PRND: variants seen among roughly 807,000 people sequenced by gnomAD.
The protein encoded by PRND is prion like protein doppel.
For synonymous variants in PRND, 94 were observed against 93.2 expected, an observed-to-expected ratio of 1.01 and a Z score of -0.05; for missense variants, 227 against 223.3, an observed-to-expected ratio of 1.02 and a Z score of -0.11.
intron 1 of PRND, among the ~76,000 whole-genome samples, chr20:4,722,799 A>G (rs1923141562): frequency 6.6e-6 from 1 of 152,080 alleles, no homozygotes; most frequent in African/African-American, 2.4e-5. Context: ...AACTCCTTCC[A>G]TTTCCCTAAT....
chr20:4,728,375 T>C lies in PRND; in HGVS notation c.*3293T>C, dbSNP rs756012246. On this transcript the variant is annotated 3_prime_UTR_variant, in exon 2 of 2. Transcript: ENST00000305817. ...TCACTTAATACAGATGTATCATGAT[T>C]GATTGAATCATTGCCTTGTTGATGG... 2 of 167,140 alleles carry C rather than the reference T, an allele frequency of 1.2e-5. No individual in the cohort carries two copies. Among genetic ancestry groups the C allele is most frequent in the Non-Finnish European group, 2.9e-5 (2 of 68,138 alleles). The allele number at this position is 167,140 out of a possible 1,614,324, so 10.4% of individuals were successfully genotyped here. A position where few individuals can be genotyped will look rare whatever the true frequency, so the allele number is the denominator to read the frequency against.
Position 4,725,922 on chromosome 20 carries a change from A to G in PRND, c.*840A>G, listed in dbSNP as rs1923251503. On this transcript the variant is annotated 3_prime_UTR_variant, in exon 2 of 2. Coordinates refer to ENST00000305817, the MANE Select transcript of PRND (RefSeq NM_012409.4). ...GTTGCCCAGGCTGGAGTGCAACGGC[A>G]TGATTTTGGCTCACTGCAGCCTCTG... The G allele has an allele frequency of 6.2e-6, 1 of 160,724 alleles. No individual in the cohort carries two copies. The highest frequency in any genetic ancestry group is 1.5e-5 in the Non-Finnish European group (1 of 67,620). The allele number at this position is 160,724 out of a possible 1,614,324, so 10.0% of individuals were successfully genotyped here. A position where few individuals can be genotyped will look rare whatever the true frequency, so the allele number is the denominator to read the frequency against.
rs1923211737 is a variant in PRND at position 4,724,813 on chromosome 20, G to A, written c.262G>A (p.Gly88Ser). 6.2e-7 allele frequency: 1 copy of A among 1,614,204 alleles called. No homozygotes were observed. Among genetic ancestry groups the A allele is most frequent in the Non-Finnish European group, 8.5e-7 (1 of 1,180,044 alleles). The change falls in exon 2 of 2, where the codon GGC becomes AGC. Residue 88 changes from glycine to serine, a missense_variant. Gly to Ser is a moderately conservative substitution (Grantham distance 56). Transcript: ENST00000305817. This position sits in a 1 kb window ranked among gnomAD's most constrained non-coding sequence, Gnocchi z 4.8. ...GGCCAACTACTGGCAGTTCCCCGAT[G>A]GCATCCACTACAACGGCTGCTCTGA... ...YEANYWQFPD[G>S]IHYNGCSEAN...
chr20:4,723,089 T>C (rs1369528466), intron 1 of PRND, among the ~76,000 whole-genome samples: 1 of 152,164 alleles, frequency 6.6e-6, no homozygotes, highest in Non-Finnish European at 1.5e-5. Flanking sequence ...TTTGCCCAGC[T>C]CAGGGGGCAT....
chr20:4,727,029 G>T lies in PRND; in HGVS notation c.*1947G>T. ...AAAAAGTACAGAACATATCCTCTAC[G>T]GTTATTTCCTGCTTTCTAATTAAAA... On this transcript the variant is annotated 3_prime_UTR_variant, in exon 2 of 2. Transcript: ENST00000305817. 1 of 167,008 alleles carries T rather than the reference G, an allele frequency of 6.0e-6. No individual in the cohort carries two copies. Among genetic ancestry groups the T allele is most frequent in the East Asian group, 1.9e-4 (1 of 5,192 alleles). The allele number at this position is 167,008 out of a possible 1,614,324, so 10.3% of individuals were successfully genotyped here.
chr20:4,724,453 C>G lies in PRND; in HGVS notation c.-11-88C>G. On this transcript the variant is annotated intron_variant, in intron 1 of 1. Coordinates refer to ENST00000305817, the MANE Select transcript of PRND (RefSeq NM_012409.4). The surrounding 1 kb of genome is among the most constrained non-coding windows in gnomAD (Gnocchi z 4.8). ...CATAAATAGCACAAGGATGCGATTC[C>G]TTCCTTAAAATCTCCTGCACTTGGG... 1 of 1,520,782 alleles carries G rather than the reference C, an allele frequency of 6.6e-7. No homozygotes were observed. Among genetic ancestry groups the G allele is most frequent in the African/African-American group, 1.4e-5 (1 of 73,190 alleles). 94.2% of individuals were successfully genotyped at this position (1,520,782 alleles called of 1,614,324 possible). A position where few individuals can be genotyped will look rare whatever the true frequency, so the allele number is the denominator to read the frequency against.
rs1283726145 is a variant in PRND at position 4,726,451 on chromosome 20, G to C, written c.*1369G>C. 1.2e-5 allele frequency: 2 copies of C among 166,950 alleles called. No homozygotes were observed. The highest frequency in any genetic ancestry group is 1.3e-4 in the Admixed American group (2 of 15,284). The allele number at this position is 166,950 out of a possible 1,614,324, so 10.3% of individuals were successfully genotyped here. ...AAAAATAAAGCTGTGTCTTTAGGGAGACCCAATAAAGAATGCAATCCATGC... is the reference window on the plus strand; with the variant it reads ...AAAAATAAAGCTGTGTCTTTAGGGACACCCAATAAAGAATGCAATCCATGC... On this transcript the variant is annotated 3_prime_UTR_variant, in exon 2 of 2. Coordinates refer to ENST00000305817, the MANE Select transcript of PRND (RefSeq NM_012409.4).
At chr20:4,722,712 C>T (rs1923138736) in intron 1 of PRND, among the ~76,000 whole-genome samples, 1 of 152,080 alleles carries the variant, frequency 6.6e-6, no homozygotes, top group Non-Finnish European at 1.5e-5. Context: ...CCCTGTCAGC[C>T]TCCTCCAGCT....
intron 1 of PRND, among the ~76,000 whole-genome samples, chr20:4,723,938 A>ATG (rs78289429): frequency 0.051 from 7,417 of 146,112 alleles, 289 homozygotes; most frequent in East Asian, 0.2. Context: ...TCTCTAAAAT[A>ATG]TGTGTGTGTG....
rs1923319999 is a variant in PRND at position 4,727,793 on chromosome 20, C to CTTTTTTTTCTTTTT, written c.*2719_*2720insCTTTTTTTTTTTTT. 7.0e-6 allele frequency: 1 copy of CTTTTTTTTCTTTTT among 142,556 alleles called. No individual in the cohort carries two copies. The highest frequency in any genetic ancestry group is 3.0e-5 in the African/African-American group (1 of 33,748). 8.8% of individuals were successfully genotyped at this position (142,556 alleles called of 1,614,324 possible). On this transcript the variant is annotated 3_prime_UTR_variant, in exon 2 of 2. Coordinates refer to ENST00000305817, the MANE Select transcript of PRND (RefSeq NM_012409.4). ...AATGCTTTCTACTCATTTTTCTATA[C>CTTTTTTTTCTTTTT]TTTTTTTTTTGAGGCAGAGTCTCAT...
At chr20:4,723,484 G>A (rs555004528) in intron 1 of PRND, among the ~76,000 whole-genome samples, 2 of 152,278 alleles carry the variant, frequency 1.3e-5, no homozygotes, top group South Asian at 4.2e-4. Flanking sequence ...CATAGGGGAG[G>A]CAGGGGTCCC....
In PRND at chr20:4,725,228, C is replaced by A; in HGVS notation, c.*146C>A. 3.1e-6 allele frequency: 3 copies of A among 981,950 alleles called. No homozygotes were observed. Among genetic ancestry groups the A allele is most frequent in the Non-Finnish European group, 4.6e-6 (3 of 656,506 alleles). The allele number at this position is 981,950 out of a possible 1,614,324, so 60.8% of individuals were successfully genotyped here. On this transcript the variant is annotated 3_prime_UTR_variant, in exon 2 of 2. Coordinates refer to ENST00000305817, the MANE Select transcript of PRND (RefSeq NM_012409.4). ...ACTGCAAATGCCGCTCTCACGTATG[C>A]GCCCTGGTATGTGCCTGCGTTCTGA...
Position 4,726,337 on chromosome 20 carries a change from T to C in PRND, c.*1255T>C, listed in dbSNP as rs1326551495. On this transcript the variant is annotated 3_prime_UTR_variant, in exon 2 of 2. Coordinates refer to ENST00000305817, the MANE Select transcript of PRND (RefSeq NM_012409.4). ...ACATCTGTGTTCTATGCAAAGTCTCTCATTTCTTTCAAGACAGCCTAATGA... is the reference window on the plus strand; with the variant it reads ...ACATCTGTGTTCTATGCAAAGTCTCCCATTTCTTTCAAGACAGCCTAATGA... 2 of 167,000 alleles carry C rather than the reference T, an allele frequency of 1.2e-5. No homozygotes were observed. The highest frequency in any genetic ancestry group is 1.5e-5 in the Non-Finnish European group (1 of 68,118). 10.3% of individuals were successfully genotyped at this position (167,000 alleles called of 1,614,324 possible). A position where few individuals can be genotyped will look rare whatever the true frequency, so the allele number is the denominator to read the frequency against.
rs1386650191 is a variant in PRND, at chr20:4,728,376, G to C, written c.*3294G>C. Reference sequence around the variant, plus strand: ...CACTTAATACAGATGTATCATGATTGATTGAATCATTGCCTTGTTGATGGG... The same window carrying C: ...CACTTAATACAGATGTATCATGATTCATTGAATCATTGCCTTGTTGATGGG... On this transcript the variant is annotated 3_prime_UTR_variant, in exon 2 of 2. Transcript: ENST00000305817. The C allele has an allele frequency of 6.0e-6, 1 of 167,082 alleles. No homozygotes were observed. The highest frequency in any genetic ancestry group is 1.5e-5 in the Non-Finnish European group (1 of 68,144). The allele number at this position is 167,082 out of a possible 1,614,324, so 10.3% of individuals were successfully genotyped here.
rs1402106889 is a variant in PRND, at chr20:4,725,990, A to G, written c.*908A>G. The G allele has an allele frequency of 7.4e-6, 1 of 134,704 alleles. No individual in the cohort carries two copies. The highest frequency in any genetic ancestry group is 3.0e-5 in the African/African-American group (1 of 33,838). 8.3% of individuals were successfully genotyped at this position (134,704 alleles called of 1,614,324 possible). ...CTTTTCCTGTCTCAGCCTTCCGAGT[A>G]GCTGGGATTACAGGTGTGTGCCATC... On this transcript the variant is annotated 3_prime_UTR_variant, in exon 2 of 2. Transcript: ENST00000305817.
chr20:4,723,791 G>GT (rs1275394843), intron 1 of PRND, among the ~76,000 whole-genome samples: 3 of 152,004 alleles, frequency 2.0e-5, no homozygotes, highest in Admixed American at 1.3e-4. Flanking sequence ...AATTAGCTGG[G>GT]TGTGGTAGTG....
intron 1 of PRND, among the ~76,000 whole-genome samples, chr20:4,722,249 A>AT (rs369051815): frequency 1.6e-4 from 24 of 150,452 alleles, no homozygotes; most frequent in African/African-American, 5.4e-4. Flanking sequence ...CTGTGCTTTT[A>AT]TTTTTTTTAT....
At position 4,725,949 on chromosome 20, in the gene PRND, C is replaced by G. The variant is rs1352072927; in HGVS notation, c.*867C>G. The G allele has an allele frequency of 6.1e-6, 1 of 163,154 alleles. No homozygotes were observed. The highest frequency in any genetic ancestry group is 1.5e-5 in the Non-Finnish European group (1 of 67,978). 10.1% of individuals were successfully genotyped at this position (163,154 alleles called of 1,614,324 possible). A position where few individuals can be genotyped will look rare whatever the true frequency, so the allele number is the denominator to read the frequency against. ...GATTTTGGCTCACTGCAGCCTCTGC[C>G]TCCCAGGCTCAAGCACTTTTCCTGT... On this transcript the variant is annotated 3_prime_UTR_variant, in exon 2 of 2. Transcript: ENST00000305817.
Position 4,724,040 on chromosome 20 carries a change from A to G in PRND, c.-11-501A>G, listed in dbSNP as rs1172144039. 9.4e-6 allele frequency among the ~76,000 whole-genome samples: 1 copy of G among 105,944 alleles called. No homozygotes were observed. The highest frequency in any genetic ancestry group is 2.0e-5 in the Non-Finnish European group (1 of 50,734). The allele number at this position is 105,944 out of a possible 152,430, so 69.5% of individuals were successfully genotyped here. A position where few individuals can be genotyped will look rare whatever the true frequency, so the allele number is the denominator to read the frequency against. On this transcript the variant is annotated intron_variant, in intron 1 of 1. Transcript: ENST00000305817. The surrounding 1 kb of genome is among the most constrained non-coding windows in gnomAD (Gnocchi z 4.8). ...TGTATATATACATATATGTGTGTAT[A>G]TATGTATATATGTGTGTGTATATAC...
Sources: gnomAD v4.1 joint callset for allele counts (sites outside exome capture counted in the v4.1 genomes callset) on GRCh38, gnomAD v4.1.1 for gene constraint, Gnocchi (gnomAD v3.1) non-coding constraint, MANE v1.5 for transcripts, NCBI Gene and HGNC (gene_info 2026-07-23, HGNC 2026-07-21) for gene names.